Variants in ODAD2 observed in about 807,000 individuals in gnomAD.
The protein encoded by ODAD2 is outer dynein arm docking complex subunit 2, also known as outer dynein arm-docking complex subunit 2.
A neutral mutation model predicts 106.8 loss-of-function variants in ODAD2; 89 were observed. The ratio of observed to expected loss-of-function variants is 0.83; its 90% CI spans 0.70 to 0.99. ODAD2 has a LOEUF of 0.99. Ranked by LOEUF, ODAD2 falls within the 50% of genes least tolerant of loss-of-function variation. The pLI, the probability that ODAD2 is intolerant of heterozygous loss-of-function variation, is 0.00. For missense variants in ODAD2, 1,168 were observed against 1,238.5 expected (o/e 0.94, Z 0.85); for synonymous variants, 404 against 436.2 (o/e 0.93, Z 0.92).
At chr10:27,970,163 T>A (rs1314467521) in intron 8 of ODAD2, among the ~76,000 whole-genome samples, 1 of 151,886 alleles carries the variant, frequency 6.6e-6, no homozygotes, top group Non-Finnish European at 1.5e-5. Flanking sequence ...TAGGTATTTC[T>A]GACTGCCCCA....
At chr10:27,944,715 A>C in intron 11 of ODAD2, 101 bp downstream of exon 11, 2 of 1,421,456 alleles carry the variant, frequency 1.4e-6, no homozygotes, top group Non-Finnish European at 1.9e-6. Flanking sequence ...GCAGATAAAG[A>C]CAAGAACCAG....
At chr10:27,916,182 G>T (rs1844362762) in intron 16 of ODAD2, among the ~76,000 whole-genome samples, 1 of 152,250 alleles carries the variant, frequency 6.6e-6, no homozygotes, top group Admixed American at 6.5e-5. Context: ...TGCCAATATA[G>T]TAGAGCAGCA....
intron 14 of ODAD2, among the ~76,000 whole-genome samples, chr10:27,937,091 A>C (rs1368783701): frequency 1.3e-5 from 2 of 152,164 alleles, no homozygotes; most frequent in Non-Finnish European, 2.9e-5. Flanking sequence ...AATGGATAGC[A>C]GTTTCTAAGT....
chr10:27,870,071 TTCACTTGAGAATGA>T (rs879544150), intron 17 of ODAD2, among the ~76,000 whole-genome samples: 50 of 152,280 alleles, frequency 3.3e-4, no homozygotes, highest in Admixed American at 1.9e-3. Flanking sequence ...ACACAAGTTC[TTCACTTGAGAATGA>T]ATGTCAGATC....
chr10:27,954,971 AAT>A (rs1476051222), intron 10 of ODAD2, among the ~76,000 whole-genome samples: 2 of 152,206 alleles, frequency 1.3e-5, no homozygotes, highest in African/African-American at 4.8e-5. Flanking sequence ...ATGGAATTTA[AAT>A]ATGTTATGAT....
intron 16 of ODAD2, among the ~76,000 whole-genome samples, chr10:27,923,999 A>AG (rs1491083883): frequency 2.8e-4 from 39 of 138,404 alleles, no homozygotes; most frequent in African/African-American, 1.0e-3. Flanking sequence ...AGAAAGAAAG[A>AG]AAGAAAGAAA....
chr10:27,965,921 C>T (rs1262320010), intron 9 of ODAD2, among the ~76,000 whole-genome samples: 1 of 152,194 alleles, frequency 6.6e-6, no homozygotes, highest in Admixed American at 6.5e-5. Flanking sequence ...TCCATTTAAG[C>T]CTTCATGCTT....
intron 14 of ODAD2, 58 bp from the exon 15 acceptor site, chr10:27,936,938 A>G: frequency 6.5e-7 from 1 of 1,528,484 alleles, no homozygotes; most frequent in African/African-American, 1.4e-5. Flanking sequence ...GCTTTCAATG[A>G]TGCTAAAAAG....
intron 17 of ODAD2, among the ~76,000 whole-genome samples, chr10:27,878,135 G>C (rs1036382245): frequency 6.6e-5 from 10 of 152,220 alleles, no homozygotes; most frequent in Non-Finnish European, 1.5e-4. Flanking sequence ...ATTTTACCAA[G>C]ATCATTCCCT....
chr10:27,901,087 G>T (rs1321761345), intron 17 of ODAD2, among the ~76,000 whole-genome samples: 3 of 152,158 alleles, frequency 2.0e-5, no homozygotes, highest in African/African-American at 7.2e-5. Flanking sequence ...CCCACAAAGG[G>T]AAGCCCATCA....
At chr10:27,884,198 A>C (rs1841927236) in intron 17 of ODAD2, among the ~76,000 whole-genome samples, 1 of 152,178 alleles carries the variant, frequency 6.6e-6, no homozygotes, top group African/African-American at 2.4e-5. Context: ...AGGGAACCTC[A>C]TTAAGCTCAA....
At chr10:27,994,835 G>A (rs1850455142) in intron 2 of ODAD2, 84 bp downstream of exon 2, 1 of 1,459,774 alleles carries the variant, frequency 6.9e-7, no homozygotes, top group Non-Finnish European at 9.3e-7. Flanking sequence ...GAGAGGTTAG[G>A]TGACTTGCCC....
intron 17 of ODAD2, chr10:27,904,333 GC>G: frequency 3.2e-6 from 1 of 308,824 alleles, no homozygotes; most frequent in African/African-American, 2.2e-5. Context: ...TGGCGTCATG[GC>G]AGGAAGCAGA....
chr10:27,918,329 G>A, intron 16 of ODAD2, among the ~76,000 whole-genome samples: 1 of 151,822 alleles, frequency 6.6e-6, no homozygotes. Flanking sequence ...TATGATCAGA[G>A]TGATTTTATC....
chr10:27,874,847 T>C (rs1324832710), intron 17 of ODAD2, among the ~76,000 whole-genome samples: 7 of 152,114 alleles, frequency 4.6e-5, no homozygotes, highest in Non-Finnish European at 8.8e-5. Context: ...AGTTGCTCTT[T>C]TCGAGGAGTA....
At position 27,987,503 on chromosome 10, in the gene ODAD2, G is replaced by C; in HGVS notation, c.265C>G (p.Gln89Glu). The C allele has an allele frequency of 2.5e-6, 4 of 1,612,458 alleles. No individual in the cohort carries two copies. In the South Asian group the frequency reaches 4.4e-5, roughly 18 times the overall value. The change falls in exon 3 of 20, where the codon CAG becomes GAG. Residue 89 changes from glutamine (Q) to glutamate (E), a missense_variant. Around this residue, in one of 3 missense-constraint regions of ODAD2, gnomAD observed 430 missense variants for 452.2 expected, o/e 0.95. Coordinates refer to ENST00000305242, the MANE Select transcript of ODAD2 (RefSeq NM_018076.5). ...VKSEEVDKNG[Q>E]PLLFLSVPQI... ...GGTACAGAGAGAAATAGCAAAGGCTGTCCATTTTTATCAACTTCTTCTGAT... is the reference window on the plus strand; with the variant it reads ...GGTACAGAGAGAAATAGCAAAGGCTCTCCATTTTTATCAACTTCTTCTGAT...
At chr10:27,963,598 C>T (rs1848291214) in intron 9 of ODAD2, among the ~76,000 whole-genome samples, 1 of 151,022 alleles carries the variant, frequency 6.6e-6, no homozygotes, top group Admixed American at 6.6e-5. Flanking sequence ...ATTTTTCCCC[C>T]CACTGGACTT....
chr10:27,814,777 T>A (rs1015602978), intron 19 of ODAD2, among the ~76,000 whole-genome samples: 3 of 152,130 alleles, frequency 2.0e-5, no homozygotes, highest in African/African-American at 7.2e-5. Flanking sequence ...CCTTACAACA[T>A]CCCTCCAGGA....
intron 19 of ODAD2, among the ~76,000 whole-genome samples, chr10:27,856,920 T>C (rs574322461): frequency 7.2e-5 from 11 of 152,256 alleles, no homozygotes; most frequent in East Asian, 1.9e-4. Context: ...TGAGCCGAGA[T>C]TGAGCTATTG....
Sources: gnomAD v4.1 joint callset for allele counts (sites outside exome capture counted in the v4.1 genomes callset) on GRCh38, gnomAD v4.1.1 for gene constraint, gnomAD v4.1.1 regional missense constraint, MANE v1.5 for transcripts, NCBI Gene and HGNC (gene_info 2026-07-23, HGNC 2026-07-21) for gene names.